The following CIBAR2 variants were observed in gnomAD, a reference collection of about 807,000 sequenced individuals.
CIBAR2 encodes CBY1-interacting BAR domain-containing protein 2.
In CIBAR2, 38 loss-of-function variants were observed where a neutral mutation model predicts 36.2. The ratio of observed to expected loss-of-function variants is 1.05; its 90% CI spans 0.81 to 1.38. CIBAR2 has a LOEUF of 1.38. CIBAR2 is among the 40% of genes most tolerant of loss of function. The probability of loss-of-function intolerance (pLI) is 0.00; values close to 1 mark genes in which losing one functional copy is unlikely to be tolerated. For missense variants in CIBAR2, 481 were observed against 383.4 expected (o/e 1.25, Z -2.13); for synonymous variants, 182 against 149.5 (o/e 1.22, Z -1.58).
At chr16:85,108,176 G>T in intron 2 of CIBAR2, 77 bp from the exon 3 acceptor site, 1 of 1,390,884 alleles carries the variant, frequency 7.2e-7, no homozygotes, top group South Asian at 1.3e-5. Flanking sequence ...AAGCAGAGCC[G>T]GCACCCGGGA....
In CIBAR2 at chr16:85,112,463, C is replaced by A; in HGVS notation, c.-111G>T. 1 of 1,121,496 alleles carries A rather than the reference C, an allele frequency of 8.9e-7. No individual in the cohort carries two copies. The highest frequency in any genetic ancestry group is 2.4e-4 in the Middle Eastern group (1 of 4,182). The allele number at this position is 1,121,496 out of a possible 1,614,324, so 69.5% of individuals were successfully genotyped here. A position where few individuals can be genotyped will look rare whatever the true frequency, so the allele number is the denominator to read the frequency against. The stretch of plus-strand genomic sequence containing the variant: ...GCTGGGTGCAGCTGTGTGGCCTGGG[C>A]TCAAGGGACGCTGCCACCCGGTTGC... On this transcript the variant is annotated 5_prime_UTR_variant, in exon 1 of 9. Coordinates refer to ENST00000539556, the MANE Select transcript of CIBAR2 (RefSeq NM_198491.3).
intron 5 of CIBAR2, 36 bp from the exon 6 acceptor site, chr16:85,105,467 G>C (rs2073989039): frequency 6.6e-7 from 1 of 1,512,928 alleles, no homozygotes; most frequent in Non-Finnish European, 9.2e-7. Flanking sequence ...AAAGTGTCAT[G>C]GGGGTGCTTC....
chr16:85,105,729 C>T (rs190311716), intron 5 of CIBAR2, among the ~76,000 whole-genome samples: 80 of 152,316 alleles, frequency 5.3e-4, no homozygotes, highest in Non-Finnish European at 1.0e-3. Flanking sequence ...ACTTGCTTAG[C>T]AGGGCTGTTG....
intron 8 of CIBAR2, 98 bp from the exon 9 acceptor site, chr16:85,099,444 C>A: frequency 1.3e-6 from 1 of 753,808 alleles, no homozygotes; most frequent in Non-Finnish European, 2.3e-6. Flanking sequence ...TCTGAGGAAC[C>A]CTGGATTCTG....
intron 5 of CIBAR2, among the ~76,000 whole-genome samples, chr16:85,106,173 C>G (rs1376845600): frequency 6.6e-6 from 1 of 152,136 alleles, no homozygotes; most frequent in Non-Finnish European, 1.5e-5. Context: ...AGGATAGAAT[C>G]CGGAGGTGCT....
chr16:85,108,516 G>T (rs552520807), intron 2 of CIBAR2, among the ~76,000 whole-genome samples: 1 of 152,210 alleles, frequency 6.6e-6, no homozygotes, highest in African/African-American at 2.4e-5. Context: ...ACAGGGTGGC[G>T]ATGACAAACC....
intron 2 of CIBAR2, among the ~76,000 whole-genome samples, chr16:85,108,841 C>G (rs1245046421): frequency 6.6e-6 from 1 of 152,216 alleles, no homozygotes. Flanking sequence ...CGACACTTCA[C>G]TCTAGCCTGG....
At chr16:85,103,265 C>A (rs1377641831) in intron 6 of CIBAR2, among the ~76,000 whole-genome samples, 1 of 152,152 alleles carries the variant, frequency 6.6e-6, no homozygotes, top group African/African-American at 2.4e-5. Context: ...GGGGAACAGG[C>A]CCTCCTCGGA....
intron 5 of CIBAR2, among the ~76,000 whole-genome samples, 174 bp from the exon 6 acceptor site, chr16:85,105,605 A>T (rs1470163770): frequency 6.6e-6 from 1 of 152,204 alleles, no homozygotes; most frequent in Non-Finnish European, 1.5e-5. Flanking sequence ...CCCCGGCTGA[A>T]GGAGCAGTCA....
Position 85,110,435 on chromosome 16 carries a change from T to G in CIBAR2, c.46A>C (p.Asn16His), listed in dbSNP as rs748633466. 8 of 1,606,994 alleles carry G rather than the reference T, an allele frequency of 5.0e-6. No individual in the cohort carries two copies. The South Asian group carries it at 7.7e-5, about 16-fold the overall frequency. ...TACTTCTCGGTGTTGGCCACGGTAT[T>G]CTCCATCACCCTCACCTGGCTGTCC... ...SRDSQVRVME[N>H]TVANTEKYFG... The change falls in exon 2 of 9, where the codon AAT (asparagine) becomes CAT (histidine). Residue 16 changes from asparagine to histidine, a missense_variant. By Grantham distance (68) the Asn-to-His change is moderately conservative. Coordinates refer to ENST00000539556, the MANE Select transcript of CIBAR2 (RefSeq NM_198491.3).
intron 7 of CIBAR2, among the ~76,000 whole-genome samples, chr16:85,101,542 C>T (rs536779032): frequency 2.0e-5 from 3 of 152,224 alleles, no homozygotes; most frequent in Admixed American, 1.3e-4. Flanking sequence ...TTACAGATAA[C>T]GCAAACAGCT....
intron 2 of CIBAR2, among the ~76,000 whole-genome samples, chr16:85,109,702 T>C (rs1180667635): frequency 6.6e-6 from 1 of 152,172 alleles, no homozygotes; most frequent in Non-Finnish European, 1.5e-5. Flanking sequence ...TCTTGCTATG[T>C]TTCCTAGGCT....
rs1445342211 is a variant in CIBAR2 at position 85,112,382 on chromosome 16, T to C, written c.-30A>G. The stretch of plus-strand genomic sequence containing the variant: ...ACCAGAGCTTTGGCTGTCCCGGTGC[T>C]GGGGAATAAGGACAGGGCCCCAGGG... On this transcript the variant is annotated 5_prime_UTR_variant, in exon 1 of 9. Coordinates refer to ENST00000539556, the MANE Select transcript of CIBAR2 (RefSeq NM_198491.3). 5 of 1,612,586 alleles carry C rather than the reference T, an allele frequency of 3.1e-6. No individual in the cohort carries two copies. The East Asian group carries it at 8.9e-5, about 29-fold the overall frequency.
Position 85,108,515 on chromosome 16 carries a change from C to T in CIBAR2, c.256-416G>A, listed in dbSNP as rs142999143. On this transcript the variant is annotated intron_variant, in intron 2 of 8. Coordinates refer to ENST00000539556, the MANE Select transcript of CIBAR2 (RefSeq NM_198491.3). ...GTCTCCCAACTGCCACACAGGGTGG[C>T]GATGACAAACCCACTTTGCGGATGA... Among the ~76,000 whole-genome samples, 44 of 152,284 alleles carry T rather than the reference C, an allele frequency of 2.9e-4. 1 individual carries two copies. The South Asian group carries it at 3.3e-3, about 11-fold the overall frequency.
chr16:85,100,291 G>A (rs2073945677), intron 7 of CIBAR2, 51 bp from the exon 8 acceptor site: 1 of 1,268,770 alleles, frequency 7.9e-7, no homozygotes, highest in Non-Finnish European at 1.1e-6. Context: ...AACACAGCGT[G>A]GGTTGGGGGA....
At chr16:85,104,317 T>C (rs2073978440) in intron 6 of CIBAR2, among the ~76,000 whole-genome samples, 2 of 152,294 alleles carry the variant, frequency 1.3e-5, no homozygotes, top group African/African-American at 4.8e-5. Context: ...GAGCCAGGGC[T>C]TCAGGAGCCT....
At chr16:85,102,409 G>A (rs915067170) in intron 6 of CIBAR2, 82 bp from the exon 7 acceptor site, 27 of 846,380 alleles carry the variant, frequency 3.2e-5, no homozygotes, top group African/African-American at 5.0e-5. Context: ...CAGATGGGGT[G>A]GGGGTGTGGA....
intron 7 of CIBAR2, among the ~76,000 whole-genome samples, chr16:85,101,203 G>T (rs2073952943): frequency 6.6e-6 from 1 of 152,200 alleles, no homozygotes; most frequent in Non-Finnish European, 1.5e-5. Context: ...CAGTTGCCTG[G>T]GGCTCCACAC....
In CIBAR2 at chr16:85,107,118, G is replaced by T. The variant is rs770871681; in HGVS notation, c.432+549C>A. Among the ~76,000 whole-genome samples, 30 of 151,678 alleles carry T rather than the reference G, an allele frequency of 2.0e-4. 1 individual carries two copies. The highest frequency in any genetic ancestry group is 3.7e-4 in the Non-Finnish European group (25 of 67,992). On this transcript the variant is annotated intron_variant, in intron 5 of 8. Coordinates refer to ENST00000539556, the MANE Select transcript of CIBAR2 (RefSeq NM_198491.3). Reference sequence around the variant, plus strand: ...CCGAGACTCTGCCACTTGCCCTCCAGCCTAGGCAACAGAGCGAGACTTTGT... The same window carrying T: ...CCGAGACTCTGCCACTTGCCCTCCATCCTAGGCAACAGAGCGAGACTTTGT...
Sources: allele counts gnomAD v4.1 joint callset (sites outside exome capture counted in the v4.1 genomes callset), GRCh38; gene constraint gnomAD v4.1.1; transcripts MANE v1.5; gene names NCBI Gene and HGNC (gene_info 2026-07-23, HGNC 2026-07-21).